Variants in HDGFL3 observed in about 807,000 individuals in gnomAD.
HDGFL3 encodes HDGF like 3.
Under a neutral mutation model 27.6 loss-of-function variants are expected in HDGFL3, and 6 were observed. The ratio of observed to expected loss-of-function variants is 0.22; its 90% confidence interval spans 0.12 to 0.43. The LOEUF is 0.43. Among genes scored for constraint, HDGFL3 ranks in the 20% least tolerant of loss-of-function variants. The probability of loss-of-function intolerance (pLI) is 1.00; values close to 1 mark genes in which losing one functional copy is unlikely to be tolerated. For missense variants in HDGFL3, 207 were observed against 250.1 expected, an observed-to-expected ratio of 0.83 and a Z score of 1.16; for synonymous variants, 88 against 88.9, an observed-to-expected ratio of 0.99 and a Z score of 0.05.
At chr15:83,144,022 G>A (rs1296732526) in intron 5 of HDGFL3, among the ~76,000 whole-genome samples, 3 of 151,976 alleles carry the variant, frequency 2.0e-5, no homozygotes, top group African/African-American at 4.8e-5. Context: ...TTACCGATAC[G>A]GCACGATTCT....
chr15:83,173,029 T>C (rs2037265648), intron 1 of HDGFL3, among the ~76,000 whole-genome samples: 1 of 152,168 alleles, frequency 6.6e-6, no homozygotes, highest in Admixed American at 6.5e-5. Context: ...TCCTGTGTTG[T>C]TCAAGAGTCA....
At chr15:83,171,410 AAC>A (rs2151410605) in intron 1 of HDGFL3, among the ~76,000 whole-genome samples, 1 of 152,242 alleles carries the variant, frequency 6.6e-6, no homozygotes, top group African/African-American at 2.4e-5. Context: ...TCCAAAAGAA[AAC>A]AAATTGTTCT....
chr15:83,151,573 A>C (rs2036964337), intron 4 of HDGFL3, among the ~76,000 whole-genome samples: 1 of 152,248 alleles, frequency 6.6e-6, no homozygotes, highest in Non-Finnish European at 1.5e-5. Flanking sequence ...CTGGAAAGGA[A>C]GCAGAAGTGG....
At chr15:83,167,720 A>C (rs1005890377) in intron 1 of HDGFL3, among the ~76,000 whole-genome samples, 4 of 152,212 alleles carry the variant, frequency 2.6e-5, no homozygotes, top group Non-Finnish European at 5.9e-5. Context: ...GCCACACAAT[A>C]ATAGTGGGAA....
Position 83,139,215 on chromosome 15 carries a change from C to A in HDGFL3, c.*55G>T. On this transcript the variant is annotated 3_prime_UTR_variant, in exon 6 of 6. Transcript: ENST00000299633. ...TATCAAATCCAAGAATATTAGACAA[C>A]CAAACATATAACCTTCTTGTGGTTT... is the stretch of plus-strand genomic sequence containing the variant. The A allele has an allele frequency of 1.6e-6, 2 of 1,275,434 alleles. No individual in the cohort carries two copies. The highest frequency in any genetic ancestry group is 3.9e-5 in the South Asian group (2 of 51,840). 79.0% of individuals were successfully genotyped at this position (1,275,434 alleles called of 1,614,324 possible).
At chr15:83,191,978 G>A (rs951334405) in intron 1 of HDGFL3, among the ~76,000 whole-genome samples, 1 of 95,910 alleles carries the variant, frequency 1.0e-5, no homozygotes, top group African/African-American at 4.2e-5. Flanking sequence ...TTTCGCTCTT[G>A]TCACCCAGGC....
intron 1 of HDGFL3, among the ~76,000 whole-genome samples, chr15:83,184,198 A>T (rs1470706480): frequency 6.6e-6 from 1 of 152,184 alleles, no homozygotes; most frequent in Non-Finnish European, 1.5e-5. Flanking sequence ...TTACCCTTGA[A>T]TTCTGTTTTC....
chr15:83,204,755 G>T (rs1319003170), intron 1 of HDGFL3, among the ~76,000 whole-genome samples: 3 of 152,142 alleles, frequency 2.0e-5, no homozygotes. Flanking sequence ...TGTGAGGTGA[G>T]AATTATCTTT....
intron 3 of HDGFL3, among the ~76,000 whole-genome samples, chr15:83,121,687 T>C (rs984538172): frequency 3.3e-5 from 5 of 152,182 alleles, no homozygotes; most frequent in African/African-American, 1.2e-4. Context: ...ACAGAAGACA[T>C]AGCAGGCGTA....
intron 1 of HDGFL3, among the ~76,000 whole-genome samples, chr15:83,169,529 C>T (rs1402226098): frequency 6.6e-5 from 10 of 151,192 alleles, no homozygotes; most frequent in African/African-American, 1.9e-4. Context: ...AGGCCAGGCA[C>T]GGTGGCTCAC....
Position 83,158,011 on chromosome 15 carries a change from T to A in HDGFL3, c.192A>T (p.Pro64=). The A allele has an allele frequency of 6.2e-7, 1 of 1,611,212 alleles. No homozygotes were observed. Among genetic ancestry groups the A allele is most frequent in the Non-Finnish European group, 8.5e-7 (1 of 1,178,424 alleles). Residue 64 remains proline (P), a synonymous_variant, in exon 3 of 6, where the codon CCA becomes CCT. Transcript: ENST00000299633. ...CAAACTTGTCTTTGTACTCCTTATA[T>A]GGAAAAAGGTCTTTGGGACCTAGAA... ...TAFLGPKDLF[P]YKEYKDKFGK... is the part of the protein sequence containing the mutation.
At chr15:83,144,205 G>A (rs1317241000) in intron 5 of HDGFL3, among the ~76,000 whole-genome samples, 4 of 152,154 alleles carry the variant, frequency 2.6e-5, no homozygotes, top group African/African-American at 7.2e-5. Flanking sequence ...TTGTGATTTA[G>A]CGACCTGAAT....
At chr15:83,164,732 A>G (rs1420195167) in intron 1 of HDGFL3, among the ~76,000 whole-genome samples, 1 of 152,212 alleles carries the variant, frequency 6.6e-6, no homozygotes. Context: ...AGATCTACCA[A>G]TTCTTATTTA....
chr15:83,156,168 C>T (rs905317202), intron 4 of HDGFL3, among the ~76,000 whole-genome samples: 1 of 152,188 alleles, frequency 6.6e-6, no homozygotes, highest in Non-Finnish European at 1.5e-5. Flanking sequence ...CTAAACTCTT[C>T]CCTGCCTCAG....
chr15:83,145,359 C>T (rs1348920231), intron 5 of HDGFL3, among the ~76,000 whole-genome samples: 2 of 152,106 alleles, frequency 1.3e-5, no homozygotes, highest in Non-Finnish European at 2.9e-5. Context: ...AGCAAAACTC[C>T]TATATTCTCA....
At position 83,207,509 on chromosome 15, in the gene HDGFL3, G is replaced by C. The variant is rs532122041; in HGVS notation, c.-95C>G. On this transcript the variant is annotated 5_prime_UTR_variant, in exon 1 of 6. Transcript: ENST00000299633. The surrounding 1 kb of genome is among the most constrained non-coding windows in gnomAD (Gnocchi z 4.8). Reference sequence around the variant, plus strand: ...CGACGAATTGCGCCGCGCTCCCCGCGGGCCTCAAGCCGGGCGGACGAGCGG... The same window carrying C: ...CGACGAATTGCGCCGCGCTCCCCGCCGGCCTCAAGCCGGGCGGACGAGCGG... The C allele has an allele frequency of 1.2e-3, 1,211 of 1,018,550 alleles. 2 individuals are homozygous for C. The highest frequency in any genetic ancestry group is 1.2e-3 in the Non-Finnish European group (962 of 790,778). 63.1% of individuals were successfully genotyped at this position (1,018,550 alleles called of 1,614,324 possible). A position where few individuals can be genotyped will look rare whatever the true frequency, so the allele number is the denominator to read the frequency against.
intron 1 of HDGFL3, among the ~76,000 whole-genome samples, chr15:83,199,679 C>A (rs1349646603): frequency 6.6e-6 from 1 of 152,114 alleles, no homozygotes; most frequent in Non-Finnish European, 1.5e-5. Context: ...TTCTTAGACC[C>A]TTTTTGTATG....
intron 1 of HDGFL3, among the ~76,000 whole-genome samples, chr15:83,178,738 G>A (rs1567173814): frequency 6.6e-6 from 1 of 152,166 alleles, no homozygotes. Context: ...CATTTTCTAT[G>A]TCTATTTAAA....
At chr15:83,126,795 C>T (rs367760723), downstream of HDGFL3, 402 of 1,613,904 alleles carry the variant, frequency 2.5e-4, 1 homozygote, top group Non-Finnish European at 3.0e-4. Context: ...CGATTATATA[C>T]GCAATTTCAA....
Sources: gnomAD v4.1 joint callset for allele counts (sites outside exome capture counted in the v4.1 genomes callset) on GRCh38, gnomAD v4.1.1 for gene constraint, Gnocchi (gnomAD v3.1) non-coding constraint, MANE v1.5 for transcripts, NCBI Gene and HGNC (gene_info 2026-07-23, HGNC 2026-07-21) for gene names.